The following DSC1 variants were observed in gnomAD, a reference collection of about 807,000 sequenced individuals.
The protein encoded by DSC1 is desmocollin 1, also known as desmocollin-1.
DSC1 carries 79 observed loss-of-function variants against 98.8 expected under a neutral mutation model. That is an observed-to-expected ratio of 0.80 (90% CI 0.67 to 0.96). The LOEUF is 0.96. Among genes scored for constraint, DSC1 ranks in the 50% least tolerant of loss-of-function variants. DSC1 has a pLI of 0.00. For synonymous variants in DSC1, 405 were observed against 372.1 expected (o/e 1.09, Z -1.02); for missense variants, 1,115 against 1,075.9 (o/e 1.04, Z -0.51).
At chr18:31,137,180 A>G (rs1988629341) in intron 11 of DSC1, among the ~76,000 whole-genome samples, 1 of 152,162 alleles carries the variant, frequency 6.6e-6, no homozygotes, top group African/African-American at 2.4e-5. Flanking sequence ...AAAAGATTTA[A>G]ATTTTTAATT....
At chr18:31,143,521 T>C (rs1988780116) in intron 8 of DSC1, 136 bp downstream of exon 8, 5 of 561,662 alleles carry the variant, frequency 8.9e-6, no homozygotes, top group South Asian at 5.4e-5. Context: ...CATATTTTTC[T>C]CCCTATGTTA....
chr18:31,152,169 C>CA (rs147500839), intron 5 of DSC1, among the ~76,000 whole-genome samples: 32,744 of 150,010 alleles, frequency 0.22, 4,042 homozygotes, highest in East Asian at 0.55. Flanking sequence ...ATCAAAAAAA[C>CA]AACAAAAAAA....
Position 31,143,750 on chromosome 18 carries a change from C to T in DSC1, c.981G>A (p.Met327Ile), listed in dbSNP as rs1366311667. 6 of 1,602,008 alleles carry T rather than the reference C, an allele frequency of 3.7e-6. No homozygotes were observed. In the Admixed American group the frequency reaches 8.5e-5, roughly 23 times the overall value. The change falls in exon 8 of 16, where the codon ATG (methionine) becomes ATA (isoleucine). Residue 327 changes from methionine to isoleucine, a missense_variant. Transcript: ENST00000257198. ...TYQLIMEVRD[M>I]GGQPFGLFNT... ...TAAATAAACCGAAAGGCTGACCACC[C>T]ATGTCTCGCACTTCCATTATTAACT... is the stretch of plus-strand genomic sequence containing the variant.
intron 4 of DSC1, 32 bp from the exon 5 acceptor site, chr18:31,154,961 C>T (rs190503950): frequency 4.1e-5 from 65 of 1,604,210 alleles, no homozygotes; most frequent in Non-Finnish European, 4.8e-5. Flanking sequence ...AGAACAAATA[C>T]GTCATGATGA....
Position 31,150,585 on chromosome 18 carries a change from G to A in DSC1, c.628-1943C>T, listed in dbSNP as rs376791637. ...CACCACCGTCATCATCATCGCCACCGTCACCACCACCACTATCATCAGCAC... is the reference window on the plus strand; with the variant it reads ...CACCACCGTCATCATCATCGCCACCATCACCACCACCACTATCATCAGCAC... On this transcript the variant is annotated intron_variant, in intron 5 of 15. Transcript: ENST00000257198. Among the ~76,000 whole-genome samples the A allele has an allele frequency of 8.4e-4, 109 of 129,868 alleles. 1 individual carries two copies. Among genetic ancestry groups the A allele is most frequent in the African/African-American group, 1.5e-3 (53 of 34,570 alleles). 85.2% of individuals were successfully genotyped at this position (129,868 alleles called of 152,430 possible). A position where few individuals can be genotyped will look rare whatever the true frequency, so the allele number is the denominator to read the frequency against.
rs1013207908 is a variant in DSC1 at position 31,132,626 on chromosome 18, T to C, written c.2180A>G (p.Asp727Gly). 1 of 1,613,666 alleles carries C rather than the reference T, an allele frequency of 6.2e-7. No homozygotes were observed. The change falls in exon 14 of 16, where the codon GAC becomes GGC. Residue 727 changes from aspartate to glycine, a missense_variant. By Grantham distance (94) the Asp-to-Gly change is moderately conservative. Coordinates refer to ENST00000257198, the MANE Select transcript of DSC1 (RefSeq NM_024421.2). Reference sequence around the variant, plus strand: ...TACAATTAAATTTTGCTGGGCTATGTCTTCTGGAAAACATTTCTTGACTGT... The same window carrying C: ...TACAATTAAATTTTGCTGGGCTATGCCTTCTGGAAAACATTTCTTGACTGT... ...KRTVKKCFPE[D>G]IAQQNLIVSN... is the part of the protein sequence containing the mutation.
intron 1 of DSC1, among the ~76,000 whole-genome samples, chr18:31,161,625 G>T (rs951980359): frequency 1.6e-4 from 24 of 152,108 alleles, no homozygotes; most frequent in African/African-American, 5.3e-4. Flanking sequence ...TTGTCCAAGA[G>T]ATATTAGACA....
At chr18:31,143,634 A>T (rs779073890) in intron 8 of DSC1, 23 bp downstream of exon 8, 1 of 1,494,604 alleles carries the variant, frequency 6.7e-7, no homozygotes, top group African/African-American at 1.4e-5. Flanking sequence ...AATCTAGATG[A>T]ATGAATAGAG....
chr18:31,162,451 T>C, intron 1 of DSC1, 81 bp downstream of exon 1: 1 of 1,337,372 alleles, frequency 7.5e-7, no homozygotes, highest in Non-Finnish European at 1.1e-6. Context: ...TCCTCACTCC[T>C]AGTCTCTTTC....
At chr18:31,158,081 A>C (rs1229022660) in intron 2 of DSC1, among the ~76,000 whole-genome samples, 1 of 152,086 alleles carries the variant, frequency 6.6e-6, no homozygotes, top group Non-Finnish European at 1.5e-5. Context: ...AGCCTGGCCA[A>C]TATGGTGAAA....
rs541135698 is a variant in DSC1, at chr18:31,135,010, AAAGGTATGAG to A, written c.1664-236_1664-227del. On this transcript the variant is annotated intron_variant, in intron 11 of 15. Transcript: ENST00000257198. ...TTTCTTCAGATGCTTTTCAAAACTAAAAGGTATGAGATTATGAGGAAGGTCACTACAGAAT... is the reference window on the plus strand; with the variant it reads ...TTTCTTCAGATGCTTTTCAAAACTAAATTATGAGGAAGGTCACTACAGAAT... Among the ~76,000 whole-genome samples, 28 of 152,234 alleles carry A rather than the reference AAAGGTATGAG, an allele frequency of 1.8e-4. 1 individual carries two copies. The South Asian group carries it at 5.2e-3, about 28-fold the overall frequency.
rs1988453833 is a variant in DSC1, at chr18:31,130,185, C to T, written c.*329G>A. On this transcript the variant is annotated 3_prime_UTR_variant, in exon 16 of 16. Transcript: ENST00000257198. ...TCATCTTTCATTGGCCTCTATAATA[C>T]CCAGCTTTCCCAAATGCTCTTCCAC... is the stretch of plus-strand genomic sequence containing the variant. 2 of 237,860 alleles carry T rather than the reference C, an allele frequency of 8.4e-6. No homozygotes were observed. 14.7% of individuals were successfully genotyped at this position (237,860 alleles called of 1,614,324 possible). A position where few individuals can be genotyped will look rare whatever the true frequency, so the allele number is the denominator to read the frequency against.
At chr18:31,152,693 G>C (rs1989024623) in intron 5 of DSC1, among the ~76,000 whole-genome samples, 1 of 152,074 alleles carries the variant, frequency 6.6e-6, no homozygotes, top group African/African-American at 2.4e-5. Flanking sequence ...GCGAACTCTA[G>C]GAGGTTGTGA....
At chr18:31,148,670 T>C in intron 5 of DSC1, 28 bp from the exon 6 acceptor site, 1 of 1,529,574 alleles carries the variant, frequency 6.5e-7, no homozygotes, top group East Asian at 2.3e-5. Context: ...ACCATCAATG[T>C]ATTCTCAAAC....
chr18:31,130,423 A>T lies in DSC1; in HGVS notation c.*91T>A. On this transcript the variant is annotated 3_prime_UTR_variant, in exon 16 of 16. Transcript: ENST00000257198. ...TATACATGACAAAGTTTACCTCCAT[A>T]AACAAAAACATTAGCAGATGCTGCT... is the stretch of plus-strand genomic sequence containing the variant. 1.4e-6 allele frequency: 2 copies of T among 1,460,456 alleles called. No homozygotes were observed. The highest frequency in any genetic ancestry group is 9.4e-7 in the Non-Finnish European group (1 of 1,061,610). 90.5% of individuals were successfully genotyped at this position (1,460,456 alleles called of 1,614,324 possible). A position where few individuals can be genotyped will look rare whatever the true frequency, so the allele number is the denominator to read the frequency against.
chr18:31,161,496 A>C (rs1244297134), intron 1 of DSC1, among the ~76,000 whole-genome samples: 1 of 152,128 alleles, frequency 6.6e-6, no homozygotes, highest in Non-Finnish European at 1.5e-5. Flanking sequence ...AGGCAGAGCC[A>C]CTGAAGGTTT....
chr18:31,159,201 C>T (rs368969507), intron 2 of DSC1, among the ~76,000 whole-genome samples: 237 of 117,006 alleles, frequency 2.0e-3, no homozygotes, highest in Admixed American at 0.012. Context: ...CTACAGGCGC[C>T]CGCCACCGCG....
intron 8 of DSC1, among the ~76,000 whole-genome samples, chr18:31,143,030 T>C (rs898685364): frequency 6.6e-6 from 1 of 151,850 alleles, no homozygotes; most frequent in Non-Finnish European, 1.5e-5. Flanking sequence ...AATAAGTTAA[T>C]GAAAAAATGA....
chr18:31,162,584 G>A lies in DSC1; in HGVS notation c.11C>T (p.Ala4Val). The change falls in exon 1 of 16, where the codon GCC (alanine) becomes GTC (valine). Residue 4 changes from alanine to valine, a missense_variant. Ala to Val is a moderately conservative substitution (Grantham distance 64, BLOSUM62 0). Transcript: ENST00000257198. ...GAAGATGCTCCCTGGGGCAGCAGAG[G>A]CCAGAGCCATCAGAAGCAGTCCCAA... MAL[A>V]SAAPGSIFCK... 1.2e-6 allele frequency: 2 copies of A among 1,614,128 alleles called. No individual in the cohort carries two copies. Among genetic ancestry groups the A allele is most frequent in the Non-Finnish European group, 1.7e-6 (2 of 1,180,008 alleles).
Sources: gnomAD v4.1 joint callset for allele counts (sites outside exome capture counted in the v4.1 genomes callset) on GRCh38, gnomAD v4.1.1 for gene constraint, MANE v1.5 for transcripts, NCBI Gene and HGNC (gene_info 2026-07-23, HGNC 2026-07-21) for gene names.